The following SLC25A48 variants were observed in gnomAD, a reference collection of about 807,000 sequenced individuals.
SLC25A48 encodes solute carrier family 25 member 48.
In SLC25A48, 29 loss-of-function variants were observed where a neutral mutation model predicts 32.2. That is an observed-to-expected ratio of 0.90 (90% CI 0.67 to 1.23). The LOEUF is 1.23. SLC25A48 is among the 50% of genes most tolerant of loss of function. The pLI is 0.00. For missense variants in SLC25A48, 399 were observed against 422.7 expected, an observed-to-expected ratio of 0.94 and a Z score of 0.49; for synonymous variants, 164 against 172.3, an observed-to-expected ratio of 0.95 and a Z score of 0.38.
chr5:135,871,651 G>A lies in SLC25A48; in HGVS notation c.612G>A (p.Glu204=), dbSNP rs774635272. 6 of 1,614,218 alleles carry A rather than the reference G, an allele frequency of 3.7e-6. No individual in the cohort carries two copies. Among genetic ancestry groups the A allele is most frequent in the Non-Finnish European group, 4.2e-6 (5 of 1,180,032 alleles). ...TCATCCCCTACGTGTTCCTGAGTGA[G>A]TGGATCACACCTGAGGCCTGCACAG... is the stretch of plus-strand genomic sequence containing the variant. ...LYFIPYVFLS[E]WITPEACTGP... The change falls in exon 5 of 8, where the codon GAG becomes GAA. Residue 204 remains glutamate (E), a synonymous_variant. Coordinates refer to ENST00000681962, the MANE Select transcript of SLC25A48 (RefSeq NM_001349336.2).
chr5:135,883,757 G>C (rs151210906), intron 7 of SLC25A48, among the ~76,000 whole-genome samples: 303 of 152,318 alleles, frequency 2.0e-3, no homozygotes, highest in African/African-American at 7.0e-3. Flanking sequence ...CCCTGGGCTT[G>C]GTTGGGGTGG....
chr5:135,848,272 G>A (rs1013645304), intron 2 of SLC25A48, among the ~76,000 whole-genome samples: 2 of 152,174 alleles, frequency 1.3e-5, no homozygotes, highest in South Asian at 4.1e-4. Flanking sequence ...TGCAGGGGGT[G>A]GGTGGCAGTC....
At chr5:135,866,097 G>C (rs1233423905) in intron 4 of SLC25A48, among the ~76,000 whole-genome samples, 1 of 152,196 alleles carries the variant, frequency 6.6e-6, no homozygotes, top group Non-Finnish European at 1.5e-5. Context: ...TCCCTGACTA[G>C]TGACCCATAG....
At chr5:135,851,601 T>G (rs546242253) in intron 3 of SLC25A48, among the ~76,000 whole-genome samples, 1 of 59,092 alleles carries the variant, frequency 1.7e-5, no homozygotes, top group Non-Finnish European at 4.2e-5. Flanking sequence ...TGTGTATATA[T>G]GCGTGTGTGT....
At chr5:135,590,529 GT>G (rs1009025424) in intron 1 of SLC25A48, among the ~76,000 whole-genome samples, 8 of 151,574 alleles carry the variant, frequency 5.3e-5, no homozygotes, top group African/African-American at 1.7e-4. Context: ...ATTTGTGTGG[GT>G]TTTTTTTTCC....
chr5:135,595,335 C>T (rs1751623506), intron 1 of SLC25A48, among the ~76,000 whole-genome samples: 2 of 152,136 alleles, frequency 1.3e-5, no homozygotes, highest in African/African-American at 4.8e-5. Context: ...ATGGTGATTC[C>T]ACCCAACCTC....
At chr5:135,816,004 G>C (rs1009526076) in intron 4 of SLC25A48, among the ~76,000 whole-genome samples, 1 of 152,180 alleles carries the variant, frequency 6.6e-6, no homozygotes, top group Non-Finnish European at 1.5e-5. Flanking sequence ...GTTCCATATG[G>C]CTGGGGAGGC....
chr5:135,682,162 G>A (rs1057090325), intron 3 of SLC25A48, among the ~76,000 whole-genome samples: 2 of 152,124 alleles, frequency 1.3e-5, no homozygotes, highest in African/African-American at 2.4e-5. Flanking sequence ...TGTCTGCTAT[G>A]GCCTGGAAAC....
chr5:135,866,299 G>A (rs1330892344), intron 4 of SLC25A48, among the ~76,000 whole-genome samples: 1 of 152,252 alleles, frequency 6.6e-6, no homozygotes, highest in Non-Finnish European at 1.5e-5. Flanking sequence ...GCTCCCCTCA[G>A]TGGCCAGCCA....
intron 3 of SLC25A48, among the ~76,000 whole-genome samples, chr5:135,734,609 C>T (rs1226409278): frequency 6.6e-6 from 1 of 151,494 alleles, no homozygotes; most frequent in Non-Finnish European, 1.5e-5. Context: ...GGGTGGATCA[C>T]GAGGTCAGGA....
At chr5:135,631,463 T>C (rs1414435255) in intron 2 of SLC25A48, among the ~76,000 whole-genome samples, 1 of 152,230 alleles carries the variant, frequency 6.6e-6, no homozygotes, top group Non-Finnish European at 1.5e-5. Flanking sequence ...CCCATCTGTT[T>C]GGCAGCTCAA....
At chr5:135,762,108 G>A (rs1448158941) in intron 3 of SLC25A48, among the ~76,000 whole-genome samples, 1 of 152,240 alleles carries the variant, frequency 6.6e-6, no homozygotes, top group African/African-American at 2.4e-5. Context: ...GAAATGTACT[G>A]TTCTGTGCAG....
intron 2 of SLC25A48, among the ~76,000 whole-genome samples, chr5:135,846,591 T>C (rs1238575723): frequency 6.6e-6 from 1 of 152,104 alleles, no homozygotes; most frequent in Non-Finnish European, 1.5e-5. Flanking sequence ...TTTTCAGCTC[T>C]GGGATGCTGA....
chr5:135,787,125 T>C (rs1426156469), intron 3 of SLC25A48, among the ~76,000 whole-genome samples: 1 of 152,018 alleles, frequency 6.6e-6, no homozygotes, highest in African/African-American at 2.4e-5. Context: ...TCACAGTAAG[T>C]GTACACCATG....
Position 135,888,111 on chromosome 5 carries a change from C to G in SLC25A48, c.*87C>G. 6.5e-7 allele frequency: 1 copy of G among 1,549,996 alleles called. No individual in the cohort carries two copies. The highest frequency in any genetic ancestry group is 8.7e-7 in the Non-Finnish European group (1 of 1,145,710). On this transcript the variant is annotated 3_prime_UTR_variant, in exon 8 of 8. Coordinates refer to ENST00000681962, the MANE Select transcript of SLC25A48 (RefSeq NM_001349336.2). ...GCCCTGAGAGCTGCAGATGTTTGGCCTTTGGACCTCCAAGTGGACATCAAT... is the reference window on the plus strand; with the variant it reads ...GCCCTGAGAGCTGCAGATGTTTGGCGTTTGGACCTCCAAGTGGACATCAAT...
intron 3 of SLC25A48, among the ~76,000 whole-genome samples, chr5:135,748,967 C>T (rs1045903097): frequency 6.6e-6 from 1 of 152,110 alleles, no homozygotes; most frequent in Non-Finnish European, 1.5e-5. Context: ...GATCCACCCA[C>T]CTGGGCCTCC....
chr5:135,879,348 T>G (rs568888983), intron 6 of SLC25A48, among the ~76,000 whole-genome samples: 1 of 152,278 alleles, frequency 6.6e-6, no homozygotes, highest in East Asian at 1.9e-4. Flanking sequence ...AACATTCTTA[T>G]CAGGTCAATT....
chr5:135,671,563 C>T, intron 3 of SLC25A48: 1 of 152,212 alleles, frequency 6.6e-6, no homozygotes, highest in East Asian at 1.9e-4. Context: ...GCAGGCCTGT[C>T]AACCAGCCGA....
intron 3 of SLC25A48, among the ~76,000 whole-genome samples, chr5:135,697,460 G>A (rs769771662): frequency 4.6e-5 from 7 of 152,236 alleles, no homozygotes; most frequent in Admixed American, 1.3e-4. Flanking sequence ...TGCTGGCTGC[G>A]TGTTTTGCTG....
Sources: allele counts gnomAD v4.1 joint callset (sites outside exome capture counted in the v4.1 genomes callset), GRCh38; gene constraint gnomAD v4.1.1; transcripts MANE v1.5; gene names NCBI Gene and HGNC (gene_info 2026-07-23, HGNC 2026-07-21).